Variants in SPECC1L observed in about 807,000 individuals in gnomAD.
SPECC1L encodes the protein sperm antigen with calponin homology and coiled-coil domains 1 like, also known as cytospin-A.
A neutral mutation model predicts 116.8 loss-of-function variants in SPECC1L; 40 were observed. That is an observed-to-expected ratio of 0.34 (90% CI 0.27 to 0.45). SPECC1L has a LOEUF of 0.45. SPECC1L is among the 20% of genes least tolerant of loss of function. The pLI, the probability that SPECC1L is intolerant of heterozygous loss-of-function variation, is 1.00. For synonymous variants in SPECC1L, 504 were observed against 500.6 expected, an observed-to-expected ratio of 1.01 and a Z score of -0.09; for missense variants, 1,110 against 1,373.6, an observed-to-expected ratio of 0.81 and a Z score of 3.03.
At chr22:24,388,226 TC>T (rs1360589846) in intron 14 of SPECC1L, among the ~76,000 whole-genome samples, 56 of 86,054 alleles carry the variant, frequency 6.5e-4, no homozygotes, top group African/African-American at 2.5e-3. Flanking sequence ...ATGCTATCCC[TC>T]CCCCCTCCCC....
At chr22:24,378,433 A>G (rs957319277) in intron 14 of SPECC1L, among the ~76,000 whole-genome samples, 2 of 152,244 alleles carry the variant, frequency 1.3e-5, no homozygotes, top group African/African-American at 4.8e-5. Context: ...ATTCAGTGGT[A>G]TAGCACTTTT....
chr22:24,414,668 AG>A lies in SPECC1L; in HGVS notation c.*46del. 6.5e-7 allele frequency: 1 copy of A among 1,539,470 alleles called. No individual in the cohort carries two copies. The highest frequency in any genetic ancestry group is 9.0e-7 in the Non-Finnish European group (1 of 1,114,464). ...CCCAATAGCGGGGGTACCCCTCCAC[AG>A]CGACCGAGCGACACCGACGCCATTA... is the stretch of plus-strand genomic sequence containing the variant. On this transcript the variant is annotated 3_prime_UTR_variant, in exon 17 of 17. Transcript: ENST00000314328.
At position 24,364,461 on chromosome 22, in the gene SPECC1L, G is replaced by A. The variant is rs149328226; in HGVS notation, c.2828-1015G>A. Among the ~76,000 whole-genome samples the A allele has an allele frequency of 1.6e-3, 245 of 152,080 alleles. 1 individual carries two copies. Among genetic ancestry groups the A allele is most frequent in the East Asian group, 0.011 (59 of 5,180 alleles). ...GCGGATCACCTGAGGTCAGGAGTTCGAGACCAGCCTGGCCAACATGGCAAA... is the reference window on the plus strand; with the variant it reads ...GCGGATCACCTGAGGTCAGGAGTTCAAGACCAGCCTGGCCAACATGGCAAA... On this transcript the variant is annotated intron_variant, in intron 12 of 16. Transcript: ENST00000314328.
At chr22:24,359,562 C>T (rs1350943087) in intron 11 of SPECC1L, among the ~76,000 whole-genome samples, 3 of 152,032 alleles carry the variant, frequency 2.0e-5, no homozygotes, top group Admixed American at 1.3e-4. Context: ...ATCTGTGTCC[C>T]TCACATTGGC....
intron 2 of SPECC1L, among the ~76,000 whole-genome samples, chr22:24,298,227 G>A (rs578034344): frequency 6.6e-6 from 1 of 152,240 alleles, no homozygotes; most frequent in Non-Finnish European, 1.5e-5. Context: ...GCATGTTTAA[G>A]ATAGGCTAGG....
intron 14 of SPECC1L, among the ~76,000 whole-genome samples, chr22:24,392,546 A>G (rs2042291822): frequency 6.6e-6 from 1 of 152,206 alleles, no homozygotes; most frequent in Non-Finnish European, 1.5e-5. Flanking sequence ...TGACCTCTCC[A>G]TTTGAGAAGC....
chr22:24,283,520 G>C (rs974802353), intron 2 of SPECC1L, among the ~76,000 whole-genome samples: 1 of 152,098 alleles, frequency 6.6e-6, no homozygotes. Context: ...TTATTTTCAC[G>C]AGAGATATGG....
intron 14 of SPECC1L, among the ~76,000 whole-genome samples, chr22:24,387,758 C>T (rs1322117663): frequency 3.9e-5 from 6 of 152,132 alleles, no homozygotes; most frequent in Non-Finnish European, 5.9e-5. Flanking sequence ...GTAGCTAAAA[C>T]AACACATATT....
chr22:24,390,309 G>A (rs1055563924), intron 14 of SPECC1L, among the ~76,000 whole-genome samples: 4 of 152,060 alleles, frequency 2.6e-5, no homozygotes, highest in African/African-American at 9.7e-5. Flanking sequence ...GAGAAAGCTG[G>A]GAGTTCTTCC....
Position 24,321,756 on chromosome 22 carries a change from A to C in SPECC1L, c.776A>C (p.Gln259Pro). The C allele has an allele frequency of 6.2e-7, 1 of 1,614,260 alleles. No homozygotes were observed. The highest frequency in any genetic ancestry group is 8.5e-7 in the Non-Finnish European group (1 of 1,180,052). ...QNTAIREELN[Q>P]LKNENRMLKD... Reference sequence around the variant, plus strand: ...ACTGCCATCCGTGAAGAACTCAACCAGCTGAAAAATGAAAACAGAATGTTA... The same window carrying C: ...ACTGCCATCCGTGAAGAACTCAACCCGCTGAAAAATGAAAACAGAATGTTA... The change falls in exon 5 of 17, where the codon CAG becomes CCG. Residue 259 changes from glutamine to proline, a missense_variant. Gln to Pro is a moderately conservative substitution (Grantham distance 76). Coordinates refer to ENST00000314328, the MANE Select transcript of SPECC1L (RefSeq NM_015330.6).
chr22:24,394,926 G>A (rs1427908573), intron 14 of SPECC1L, among the ~76,000 whole-genome samples: 19 of 152,056 alleles, frequency 1.2e-4, no homozygotes, highest in Non-Finnish European at 1.5e-5. Context: ...GAACTCCTGG[G>A]CTCAATCGAC....
chr22:24,300,200 T>G (rs1401882477), intron 2 of SPECC1L, among the ~76,000 whole-genome samples: 1 of 152,188 alleles, frequency 6.6e-6, no homozygotes, highest in Admixed American at 6.5e-5. Flanking sequence ...TATTCTCATT[T>G]TTCACCTCCA....
intron 2 of SPECC1L, among the ~76,000 whole-genome samples, chr22:24,288,809 A>C (rs1268220015): frequency 6.6e-6 from 1 of 152,072 alleles, no homozygotes; most frequent in Non-Finnish European, 1.5e-5. Context: ...TACTTTTAGT[A>C]GAGACGGGTT....
chr22:24,358,963 T>C (rs1441562844), intron 11 of SPECC1L, among the ~76,000 whole-genome samples: 1 of 152,230 alleles, frequency 6.6e-6, no homozygotes, highest in Non-Finnish European at 1.5e-5. Flanking sequence ...CCCCTGGATC[T>C]CCTCCTCTTG....
At chr22:24,405,087 T>A (rs2042558747) in intron 14 of SPECC1L, among the ~76,000 whole-genome samples, 2 of 152,222 alleles carry the variant, frequency 1.3e-5, no homozygotes, top group African/African-American at 4.8e-5. Flanking sequence ...ATCCACACAC[T>A]GGTGGCCCCG....
chr22:24,333,391 A>G (rs934356431), intron 8 of SPECC1L, among the ~76,000 whole-genome samples: 1 of 152,326 alleles, frequency 6.6e-6, no homozygotes, highest in South Asian at 2.1e-4. Context: ...TATATGACAT[A>G]TACAAACTCT....
intron 14 of SPECC1L, among the ~76,000 whole-genome samples, chr22:24,410,982 A>G (rs2042685143): frequency 6.6e-6 from 1 of 152,058 alleles, no homozygotes; most frequent in African/African-American, 2.4e-5. Flanking sequence ...AGGTCAAGAG[A>G]TTGAGACCAT....
chr22:24,342,317 T>TCTG (rs1569427593), intron 10 of SPECC1L, among the ~76,000 whole-genome samples: 1 of 152,192 alleles, frequency 6.6e-6, no homozygotes, highest in Non-Finnish European at 1.5e-5. Flanking sequence ...AAATATGATC[T>TCTG]CTGCTTAAGT....
At position 24,347,173 on chromosome 22, in the gene SPECC1L, C is replaced by T. The variant is rs202183866; in HGVS notation, c.2740C>T (p.Gln914Ter). The T allele has an allele frequency of 1.2e-6, 2 of 1,611,788 alleles. No homozygotes were observed. The highest frequency in any genetic ancestry group is 1.7e-6 in the Non-Finnish European group (2 of 1,178,064). ...ACCAAACTATGGGGAAATCCCTGTT[C>T]AAGGTACGTGTAATATGCCATAGCA... is the stretch of plus-strand genomic sequence containing the variant. ...KRPNYGEIPV[Q>*]EHLLRTSSAS... Residue 914 changes from glutamine to a stop codon, truncating the protein, a stop_gained, in exon 11 of 17, where the codon CAA becomes TAA. Transcript: ENST00000314328. LOFTEE classifies it high-confidence loss of function.
Sources: allele counts gnomAD v4.1 joint callset (sites outside exome capture counted in the v4.1 genomes callset), GRCh38; gene constraint gnomAD v4.1.1; transcripts MANE v1.5; gene names NCBI Gene and HGNC (gene_info 2026-07-23, HGNC 2026-07-21).